CADM2: variants seen among roughly 807,000 people sequenced by gnomAD.
The protein encoded by CADM2 is immunoglobulin superfamily member 4D.
A neutral mutation model predicts 49.8 loss-of-function variants in CADM2; 12 were observed. The ratio of observed to expected loss-of-function variants is 0.24; its 90% CI spans 0.15 to 0.39. The LOEUF is 0.39. Ranked by LOEUF, CADM2 falls within the 10% of genes least tolerant of loss-of-function variation. The pLI, the probability that CADM2 is intolerant of heterozygous loss-of-function variation, is 1.00. For synonymous variants in CADM2, 214 were observed against 175.4 expected (o/e 1.22, Z -1.74); for missense variants, 378 against 492.3 (o/e 0.77, Z 2.20).
intron 1 of CADM2, among the ~76,000 whole-genome samples, chr3:85,547,570 A>ATT (rs916993638): frequency 6.6e-6 from 1 of 152,134 alleles, no homozygotes; most frequent in Non-Finnish European, 1.5e-5. Context: ...TCCGTGTCTT[A>ATT]TTCTGTCACA....
chr3:86,010,574 C>G (rs920441729), intron 8 of CADM2, among the ~76,000 whole-genome samples: 4 of 151,080 alleles, frequency 2.6e-5, no homozygotes, highest in African/African-American at 9.7e-5. Flanking sequence ...AATATATAAG[C>G]TCTGTTTAAA....
At chr3:85,131,886 T>TAAA (rs10640149) in intron 1 of CADM2, among the ~76,000 whole-genome samples, 433 of 143,150 alleles carry the variant, frequency 3.0e-3, no homozygotes, top group African/African-American at 9.5e-3. Flanking sequence ...TGTGGCTGTA[T>TAAA]AAAAAAAAAA....
Position 86,070,313 on chromosome 3 carries a change from T to C in CADM2, c.*3530T>C, listed in dbSNP as rs1306919205. 1 of 151,966 alleles carries C rather than the reference T, an allele frequency of 6.6e-6. No individual in the cohort carries two copies. The highest frequency in any genetic ancestry group is 1.5e-5 in the Non-Finnish European group (1 of 67,874). The allele number at this position is 151,966 out of a possible 1,614,324, so 9.4% of individuals were successfully genotyped here. ...TGATTGTAACAGCATTGAGATTTCA[T>C]ATAGGCACATGTATAGCAGCTGTTT... On this transcript the variant is annotated 3_prime_UTR_variant, in exon 10 of 10. Coordinates refer to ENST00000383699, the MANE Select transcript of CADM2 (RefSeq NM_001167675.2).
intron 1 of CADM2, among the ~76,000 whole-genome samples, chr3:85,166,457 A>G (rs908875213): frequency 4.4e-4 from 67 of 151,994 alleles, no homozygotes; most frequent in Admixed American, 1.0e-3. Context: ...TCAGATTTAC[A>G]TGAACAATAA....
chr3:85,759,345 T>A (rs2069266140), intron 2 of CADM2, among the ~76,000 whole-genome samples: 1 of 152,104 alleles, frequency 6.6e-6, no homozygotes, highest in Non-Finnish European at 1.5e-5. Context: ...AAATGTTATG[T>A]TTTAACACAC....
chr3:85,105,923 A>G (rs990142754), intron 1 of CADM2, among the ~76,000 whole-genome samples: 18 of 150,954 alleles, frequency 1.2e-4, no homozygotes, highest in African/African-American at 3.9e-4. Context: ...GAAGGGGAAC[A>G]TCACACTCTG....
At chr3:86,009,616 T>G (rs1191156435) in intron 8 of CADM2, among the ~76,000 whole-genome samples, 1 of 151,888 alleles carries the variant, frequency 6.6e-6, no homozygotes, top group Non-Finnish European at 1.5e-5. Context: ...AATGTAACTA[T>G]CTAATGACAT....
At chr3:85,217,263 T>C (rs1268607677) in intron 1 of CADM2, among the ~76,000 whole-genome samples, 1 of 151,824 alleles carries the variant, frequency 6.6e-6, no homozygotes, top group Non-Finnish European at 1.5e-5. Flanking sequence ...CATTTACTGA[T>C]GTTTGTTGAG....
At chr3:85,683,297 G>A (rs2066092642) in intron 1 of CADM2, among the ~76,000 whole-genome samples, 1 of 152,046 alleles carries the variant, frequency 6.6e-6, no homozygotes, top group Non-Finnish European at 1.5e-5. Context: ...GTTCCCTAAT[G>A]TGTTTATTCA....
chr3:85,750,978 T>C (rs2107859251), intron 2 of CADM2, among the ~76,000 whole-genome samples: 1 of 152,218 alleles, frequency 6.6e-6, no homozygotes, highest in African/African-American at 2.4e-5. Context: ...ATTTAGAATT[T>C]AAATAAGAGA....
intron 1 of CADM2, among the ~76,000 whole-genome samples, chr3:85,689,922 A>C (rs1249466226): frequency 6.6e-6 from 1 of 152,334 alleles, no homozygotes; most frequent in Middle Eastern, 3.4e-3. Context: ...AACAACAGAA[A>C]GGAAAAAACA....
intron 1 of CADM2, among the ~76,000 whole-genome samples, chr3:84,964,204 G>C (rs752980718): frequency 1.3e-5 from 2 of 152,044 alleles, no homozygotes; most frequent in African/African-American, 4.8e-5. Flanking sequence ...ATTAAATAGT[G>C]GTAGAATGTC....
intron 1 of CADM2, among the ~76,000 whole-genome samples, chr3:85,700,694 G>A (rs927047816): frequency 2.0e-5 from 3 of 152,112 alleles, no homozygotes; most frequent in Non-Finnish European, 2.9e-5. Flanking sequence ...TTGCTAAAAT[G>A]TATTGAAACT....
At chr3:84,990,738 C>A (rs566765581) in intron 1 of CADM2, among the ~76,000 whole-genome samples, 1 of 152,094 alleles carries the variant, frequency 6.6e-6, no homozygotes, top group South Asian at 2.1e-4. Flanking sequence ...GTCTAACATT[C>A]CTTAAATAGT....
chr3:85,650,149 G>T (rs1483052432), intron 1 of CADM2, among the ~76,000 whole-genome samples: 1 of 152,002 alleles, frequency 6.6e-6, no homozygotes, highest in Non-Finnish European at 1.5e-5. Flanking sequence ...TATGGGAGAG[G>T]GCTACGTTCT....
At chr3:85,133,937 C>A (rs1040863042) in intron 1 of CADM2, among the ~76,000 whole-genome samples, 1 of 152,242 alleles carries the variant, frequency 6.6e-6, no homozygotes, top group Non-Finnish European at 1.5e-5. Context: ...GAGGCTCAGG[C>A]CGCACAGGAG....
In CADM2 at chr3:85,027,109, C is replaced by CTTTTCTTTTT. The variant is rs1317386284; in HGVS notation, c.61+67445_61+67446insCTTTTTTTTT. 5.4e-5 allele frequency among the ~76,000 whole-genome samples: 3 copies of CTTTTCTTTTT among 55,690 alleles called. 1 individual carries two copies. Among genetic ancestry groups the CTTTTCTTTTT allele is most frequent in the African/African-American group, 2.9e-4 (3 of 10,260 alleles). The allele number at this position is 55,690 out of a possible 152,430, so 36.5% of individuals were successfully genotyped here. Reference sequence around the variant, plus strand: ...TGGTTGTTGTTGCTTTTTCTTTTTCCTTTTTTTTTTTTTTTTTTTTTTTAA... The same window carrying CTTTTCTTTTT: ...TGGTTGTTGTTGCTTTTTCTTTTTCCTTTTCTTTTTTTTTTTTTTTTTTTTTTTTTTTTAA... On this transcript the variant is annotated intron_variant, in intron 1 of 9. Coordinates refer to ENST00000383699, the MANE Select transcript of CADM2 (RefSeq NM_001167675.2).
chr3:85,790,550 C>T (rs567111494), intron 2 of CADM2, among the ~76,000 whole-genome samples: 2 of 152,112 alleles, frequency 1.3e-5, no homozygotes, highest in Admixed American at 6.5e-5. Context: ...TCTGAAGGAG[C>T]CTTTTGTCAT....
chr3:85,579,197 A>G (rs1326989574), intron 1 of CADM2, among the ~76,000 whole-genome samples: 4 of 152,184 alleles, frequency 2.6e-5, no homozygotes, highest in African/African-American at 9.7e-5. Context: ...TTAATTTATA[A>G]TTTTTAAAAC....
Sources: gnomAD v4.1 joint callset for allele counts (sites outside exome capture counted in the v4.1 genomes callset) on GRCh38, gnomAD v4.1.1 for gene constraint, MANE v1.5 for transcripts, NCBI Gene and HGNC (gene_info 2026-07-23, HGNC 2026-07-21) for gene names.